MROH1: variants seen among roughly 807,000 people sequenced by gnomAD.
The protein encoded by MROH1 is maestro heat like repeat family member 1.
Under a neutral mutation model 116.5 loss-of-function variants are expected in MROH1, and 117 were observed. The observed-to-expected ratio is 1.00, with a 90% CI of 0.86 to 1.17. The LOEUF (loss-of-function observed/expected upper bound fraction) is 1.17, where lower values mean the gene tolerates loss of function less well. MROH1 is among the 50% of genes most tolerant of loss of function. The pLI, the probability that MROH1 is intolerant of heterozygous loss-of-function variation, is 0.00. For synonymous variants in MROH1, 921 were observed against 583.9 expected (o/e 1.58, Z -8.32); for missense variants, 1,873 against 1,338.5 (o/e 1.40, Z -6.23).
chr8:144,257,980 C>A (rs1467817365), intron 35 of MROH1, among the ~76,000 whole-genome samples: 3 of 152,168 alleles, frequency 2.0e-5, no homozygotes, highest in Non-Finnish European at 2.9e-5. Flanking sequence ...GCATCCTCTG[C>A]CCCAGACCGT....
At chr8:144,151,247 CAAAAAAAAAAAAAAA>C (rs1160118892) in intron 1 of MROH1, among the ~76,000 whole-genome samples, 1 of 22,966 alleles carries the variant, frequency 4.4e-5, no homozygotes, top group Non-Finnish European at 9.7e-5. Context: ...TATTCTGTCT[CAAAAAAAAAAAAAAA>C]AAAAAAAAAA....
chr8:144,186,903 G>A (rs1446237717), intron 7 of MROH1, among the ~76,000 whole-genome samples: 1 of 152,024 alleles, frequency 6.6e-6, no homozygotes, highest in Non-Finnish European at 1.5e-5. Flanking sequence ...GACCAGCCTG[G>A]GCAACACGGT....
intron 1 of MROH1, among the ~76,000 whole-genome samples, chr8:144,148,452 G>A (rs1348432013): frequency 6.6e-6 from 1 of 152,040 alleles, no homozygotes; most frequent in African/African-American, 2.4e-5. Context: ...GTGGTCCCCA[G>A]TGCCCGGCCC....
intron 35 of MROH1, among the ~76,000 whole-genome samples, chr8:144,256,863 C>A (rs987663360): frequency 1.3e-5 from 2 of 152,244 alleles, no homozygotes; most frequent in Non-Finnish European, 2.9e-5. Flanking sequence ...GCTGTGCCTG[C>A]GCCATTTGCA....
chr8:144,189,641 C>T (rs115084758), intron 7 of MROH1, among the ~76,000 whole-genome samples: 15,248 of 152,228 alleles, frequency 0.1, 1,549 homozygotes, highest in African/African-American at 0.26. Flanking sequence ...CAGTCACTGG[C>T]ACACTGTCAG....
rs1236714883 is a variant in MROH1, at chr8:144,182,094, G to A, written c.562+1571G>A. ...GAACGTTCCCTGTTTGCATCTGGAG[G>A]GGTTGGTGGTCCTGCTGGCTGGAGC... On this transcript the variant is annotated intron_variant, in intron 7 of 43. Coordinates refer to ENST00000326134, the MANE Select transcript of MROH1 (RefSeq NM_032450.3). The surrounding 1 kb of genome is among the most constrained non-coding windows in gnomAD (Gnocchi z 4.1). 1.3e-5 allele frequency among the ~76,000 whole-genome samples: 2 copies of A among 152,248 alleles called. No individual in the cohort carries two copies. Among genetic ancestry groups the A allele is most frequent in the Admixed American group, 1.3e-4 (2 of 15,288 alleles).
At chr8:144,207,050 A>G (rs1055048573) in intron 12 of MROH1, among the ~76,000 whole-genome samples, 4 of 151,928 alleles carry the variant, frequency 2.6e-5, no homozygotes, top group African/African-American at 9.7e-5. Flanking sequence ...AGAGAGAGAA[A>G]AGAAATTTAA....
chr8:144,223,112 A>G lies in MROH1; in HGVS notation c.1220A>G (p.Lys407Arg). Residue 407 changes from lysine to arginine, a missense_variant, in exon 14 of 44, where the codon AAG becomes AGG. Lys to Arg is a conservative substitution (Grantham distance 26). Transcript: ENST00000326134. The stretch of plus-strand genomic sequence containing the variant: ...TCCCATTTGTTCTCTGGGCAGGTGA[A>G]GCGGGCAGTGGTGCAGGTGATTAGC... Reference protein sequence around the residue: ...LPLLDTNSKVKRAVVQVISAM... With the variant: ...LPLLDTNSKVRRAVVQVISAM... 6.2e-7 allele frequency: 1 copy of G among 1,613,258 alleles called. No homozygotes were observed. Among genetic ancestry groups the G allele is most frequent in the Non-Finnish European group, 8.5e-7 (1 of 1,179,620 alleles).
rs925650129 is a variant in MROH1 at position 144,241,290 on chromosome 8, G to A, written c.2056-105G>A. ...TGTGTTGATGTGTGTGCAAGTGTGC[G>A]CATGTGTGTACATGTGGGTGTGCCC... On this transcript the variant is annotated intron_variant, in intron 21 of 43. Coordinates refer to ENST00000326134, the MANE Select transcript of MROH1 (RefSeq NM_032450.3). The A allele has an allele frequency of 7.3e-4, 511 of 700,678 alleles. 3 individuals are homozygous for A. The highest frequency in any genetic ancestry group is 7.3e-3 in the African/African-American group (417 of 57,186). The allele number at this position is 700,678 out of a possible 1,614,324, so 43.4% of individuals were successfully genotyped here. A position where few individuals can be genotyped will look rare whatever the true frequency, so the allele number is the denominator to read the frequency against.
At chr8:144,200,618 C>A in intron 12 of MROH1, 77 bp downstream of exon 12, 1 of 1,032,432 alleles carries the variant, frequency 9.7e-7, no homozygotes, top group Non-Finnish European at 1.5e-6. Context: ...GATTGTGTCC[C>A]TCTAAGTGAA....
intron 14 of MROH1, among the ~76,000 whole-genome samples, chr8:144,225,290 T>C (rs924498692): frequency 1.3e-5 from 2 of 152,194 alleles, no homozygotes; most frequent in Admixed American, 6.5e-5. Flanking sequence ...CACAAGTCCT[T>C]TGTTGGATTT....
At chr8:144,177,703 G>T (rs1824364243) in intron 4 of MROH1, among the ~76,000 whole-genome samples, 1 of 152,140 alleles carries the variant, frequency 6.6e-6, no homozygotes, top group African/African-American at 2.4e-5. Context: ...ACTGGATCCT[G>T]GGGGCGACTT....
rs1821662373 is a variant in MROH1 at position 144,168,766 on chromosome 8, C to G, written c.168+326C>G. On this transcript the variant is annotated intron_variant, in intron 4 of 43. Transcript: ENST00000326134. ...CTGAGGGACAGACCATGGTCCCTGC[C>G]TGAGGGACAGAAGGTTGTTTCTGAG... Among the ~76,000 whole-genome samples the G allele has an allele frequency of 2.0e-5, 3 of 152,324 alleles. No homozygotes were observed. The South Asian group carries it at 6.2e-4, about 32-fold the overall frequency.
intron 12 of MROH1, among the ~76,000 whole-genome samples, chr8:144,206,997 C>T (rs879720091): frequency 1.9e-4 from 29 of 150,468 alleles, no homozygotes; most frequent in Non-Finnish European, 3.4e-4. Flanking sequence ...TGCATCACTG[C>T]GCTCCAGCCT....
intron 26 of MROH1, 122 bp from the exon 27 acceptor site, chr8:144,244,100 G>C: frequency 1.4e-6 from 1 of 697,964 alleles, no homozygotes; most frequent in Non-Finnish European, 2.6e-6. Flanking sequence ...ATGGGGTGCC[G>C]CCATGGTCTG....
intron 12 of MROH1, among the ~76,000 whole-genome samples, chr8:144,207,251 G>A (rs1292202054): frequency 2.0e-5 from 3 of 151,218 alleles, no homozygotes; most frequent in Non-Finnish European, 4.4e-5. Flanking sequence ...GCAGTGGTGC[G>A]ATCTTGGCTC....
chr8:144,200,279 G>A, intron 11 of MROH1, 149 bp from the exon 12 acceptor site: 1 of 628,792 alleles, frequency 1.6e-6, no homozygotes, highest in Non-Finnish European at 2.7e-6. Context: ...GGGCATCGGA[G>A]CCAGGCCCAG....
chr8:144,212,615 A>T (rs1834381179), intron 12 of MROH1, among the ~76,000 whole-genome samples: 1 of 63,810 alleles, frequency 1.6e-5, no homozygotes, highest in East Asian at 4.5e-4. Context: ...TTTTTGAGAC[A>T]GTCTTGCTTT....
At chr8:144,255,480 G>A (rs1843572802) in intron 34 of MROH1, 29 bp from the exon 35 acceptor site, 2 of 776,392 alleles carry the variant, frequency 2.6e-6, no homozygotes, top group Admixed American at 1.7e-5. Context: ...CTGGAGGGAG[G>A]CATGGCCCTG....
Sources: allele counts gnomAD v4.1 joint callset (sites outside exome capture counted in the v4.1 genomes callset), GRCh38; gene constraint gnomAD v4.1.1; non-coding constraint Gnocchi (gnomAD v3.1); transcripts MANE v1.5; gene names NCBI Gene and HGNC (gene_info 2026-07-23, HGNC 2026-07-21).